The following RUNX1T1 variants were observed in gnomAD, a reference collection of about 807,000 sequenced individuals.
RUNX1T1 encodes the protein protein CBFA2T1.
A neutral mutation model predicts 62.8 loss-of-function variants in RUNX1T1; 4 were observed. The ratio of observed to expected loss-of-function variants is 0.06; its 90% CI spans 0.03 to 0.15. The LOEUF (loss-of-function observed/expected upper bound fraction) is 0.15. RUNX1T1 is among the 10% of genes least tolerant of loss of function. The pLI, the probability that RUNX1T1 is intolerant of heterozygous loss-of-function variation, is 1.00. For synonymous variants in RUNX1T1, 291 were observed against 286.0 expected (o/e 1.02, Z -0.18); for missense variants, 508 against 754.3 (o/e 0.67, Z 3.82).
chr8:92,046,890 T>C (rs777095335), intron 1 of RUNX1T1, among the ~76,000 whole-genome samples: 2 of 152,180 alleles, frequency 1.3e-5, no homozygotes, highest in Non-Finnish European at 2.9e-5. Context: ...TTGGATTGGA[T>C]GACAGTAAAT....
At position 91,984,642 on chromosome 8, in the gene RUNX1T1, T is replaced by C. The variant is rs545034538; in HGVS notation, c.1198+1482A>G. The stretch of plus-strand genomic sequence containing the variant: ...ATGTTTTAACTCCCTAAGTTTTATT[T>C]ACTTTAAAGCTCTCAATTTTTGCCT... On this transcript the variant is annotated intron_variant, in intron 8 of 10. Coordinates refer to ENST00000396218, the Ensembl canonical transcript of RUNX1T1. 2.0e-5 allele frequency among the ~76,000 whole-genome samples: 3 copies of C among 152,334 alleles called. No individual in the cohort carries two copies. In the South Asian group the frequency reaches 6.2e-4, roughly 32 times the overall value.
Position 92,040,144 on chromosome 8 carries a change from T to C in RUNX1T1, c.7+22402A>G, listed in dbSNP as rs148208703. 2.6e-3 allele frequency among the ~76,000 whole-genome samples: 392 copies of C among 152,304 alleles called. 1 individual carries two copies. The highest frequency in any genetic ancestry group is 4.5e-3 in the Non-Finnish European group (307 of 68,022). On this transcript the variant is annotated intron_variant, in intron 1 of 10. Coordinates refer to ENST00000396218, the Ensembl canonical transcript of RUNX1T1. ...GTCATGGTCTTCCCTGATTTTGAAA[T>C]GTACCTTGACTACAACAAGCTTATG...
At chr8:92,008,429 C>CACAT (rs60415416) in intron 4 of RUNX1T1, among the ~76,000 whole-genome samples, 1 of 148,308 alleles carries the variant, frequency 6.7e-6, no homozygotes. Flanking sequence ...CACACACACA[C>CACAT]GAGACTATGT....
intron 3 of RUNX1T1, among the ~76,000 whole-genome samples, chr8:92,011,404 C>G (rs113706070): frequency 5.2e-4 from 79 of 152,210 alleles, no homozygotes; most frequent in Middle Eastern, 3.4e-3. Context: ...TCTAATATTG[C>G]CTTTATGGAA....
At chr8:92,068,195 G>C (rs1386652735) in intron 2 of RUNX1T1, among the ~76,000 whole-genome samples, 3 of 151,774 alleles carry the variant, frequency 2.0e-5, no homozygotes, top group Non-Finnish European at 4.4e-5. Flanking sequence ...ACCATTTACA[G>C]TTTTCTCATA....
At chr8:91,962,743 C>A (rs1810771977) in intron 10 of RUNX1T1, among the ~76,000 whole-genome samples, 1 of 152,160 alleles carries the variant, frequency 6.6e-6, no homozygotes, top group South Asian at 2.1e-4. Flanking sequence ...AAGCTATATT[C>A]CTAAATTACA....
chr8:91,959,412 TTGTGTGTG>T (rs56037232), exon 11 of RUNX1T1: 3,718 of 138,818 alleles, frequency 0.027, 85 homozygotes, highest in Non-Finnish European at 0.032. Flanking sequence ...AGTCTCTTAC[TTGTGTGTG>T]TGTGTGTGTG....
chr8:91,993,173 T>A (rs1451542805), intron 5 of RUNX1T1, among the ~76,000 whole-genome samples: 1 of 152,164 alleles, frequency 6.6e-6, no homozygotes, highest in Admixed American at 6.5e-5. Flanking sequence ...TAGAGGCACT[T>A]CTTCTACTTT....
intron 9 of RUNX1T1, among the ~76,000 whole-genome samples, chr8:91,973,330 G>A (rs1284629696): frequency 1.3e-5 from 2 of 151,694 alleles, no homozygotes; most frequent in African/African-American, 4.8e-5. Context: ...AGGGAATCTA[G>A]GTGAAAGTTA....
At chr8:92,079,214 TCTAA>T (rs1587514800) in intron 1 of RUNX1T1, among the ~76,000 whole-genome samples, 4 of 152,218 alleles carry the variant, frequency 2.6e-5, no homozygotes, top group Admixed American at 1.3e-4. Context: ...AAACCTTAAC[TCTAA>T]CTCTTTTCTT....
intron 10 of RUNX1T1, among the ~76,000 whole-genome samples, chr8:91,967,989 C>A (rs897234498): frequency 1.3e-5 from 2 of 152,046 alleles, no homozygotes; most frequent in African/African-American, 4.8e-5. Flanking sequence ...CTTTCAAAAA[C>A]ACTATTTTAA....
chr8:92,002,278 C>G (rs1207215181), intron 5 of RUNX1T1, among the ~76,000 whole-genome samples: 2 of 152,078 alleles, frequency 1.3e-5, no homozygotes, highest in Non-Finnish European at 2.9e-5. Flanking sequence ...TTCAGAGACA[C>G]TCCCCAGAGC....
chr8:91,997,385 C>T (rs1818913578), intron 5 of RUNX1T1, among the ~76,000 whole-genome samples: 1 of 151,914 alleles, frequency 6.6e-6, no homozygotes, highest in East Asian at 1.9e-4. Context: ...GGAACTACCA[C>T]TATAAATATT....
chr8:91,981,694 C>T (rs962737982), intron 8 of RUNX1T1, among the ~76,000 whole-genome samples: 6 of 151,978 alleles, frequency 3.9e-5, no homozygotes, highest in Middle Eastern at 3.4e-3. Context: ...GGATTACAGG[C>T]GTCAGCCAAC....
At chr8:92,065,739 C>T (rs1304389261), upstream of RUNX1T1, among the ~76,000 whole-genome samples, 1 of 152,210 alleles carries the variant, frequency 6.6e-6, no homozygotes, top group African/African-American at 2.4e-5. Context: ...CTGACATGGG[C>T]TGCAGTTCAG....
intron 10 of RUNX1T1, among the ~76,000 whole-genome samples, chr8:91,964,086 C>A (rs554774799): frequency 6.6e-6 from 1 of 152,132 alleles, no homozygotes; most frequent in Non-Finnish European, 1.5e-5. Context: ...TGGCTGAACA[C>A]GAACCTCCCC....
chr8:92,098,730 G>A (rs1177638387), intron 1 of RUNX1T1, among the ~76,000 whole-genome samples: 1 of 152,110 alleles, frequency 6.6e-6, no homozygotes, highest in African/African-American at 2.4e-5. Flanking sequence ...TTCATTAGCT[G>A]AAAACCTCCT....
At chr8:92,004,570 T>C (rs1271949296) in intron 5 of RUNX1T1, 1 of 152,198 alleles carries the variant, frequency 6.6e-6, no homozygotes, top group African/African-American at 2.4e-5. Flanking sequence ...TCAGCAAAAA[T>C]ACCATCTATT....
At chr8:91,998,098 G>A (rs1819054819) in intron 5 of RUNX1T1, among the ~76,000 whole-genome samples, 1 of 151,996 alleles carries the variant, frequency 6.6e-6, no homozygotes, top group Non-Finnish European at 1.5e-5. Context: ...ATTGAATCAA[G>A]GGGGGGAAAA....
Sources: allele counts gnomAD v4.1 joint callset (sites outside exome capture counted in the v4.1 genomes callset), GRCh38; gene constraint gnomAD v4.1.1; transcripts MANE v1.5; gene names NCBI Gene and HGNC (gene_info 2026-07-23, HGNC 2026-07-21).